CSMD1: variants seen among roughly 807,000 people sequenced by gnomAD.
CSMD1 encodes CUB and Sushi multiple domains 1.
In CSMD1, 213 loss-of-function variants were observed where a neutral mutation model predicts 417.5. That is an observed-to-expected ratio of 0.51 (90% confidence interval 0.46 to 0.57). CSMD1 has a LOEUF of 0.57. Among genes scored for constraint, CSMD1 ranks in the 20% least tolerant of loss-of-function variants. The pLI, the probability that CSMD1 is intolerant of heterozygous loss-of-function variation, is 0.00. For missense variants in CSMD1, 6,923 were observed against 4,529.7 expected, an observed-to-expected ratio of 1.53 and a Z score of -15.17; for synonymous variants, 2,862 against 1,736.8, an observed-to-expected ratio of 1.65 and a Z score of -16.11.
intron 3 of CSMD1, among the ~76,000 whole-genome samples, chr8:4,059,531 T>C (rs143914579): frequency 0.015 from 2,044 of 138,876 alleles, no homozygotes; most frequent in East Asian, 0.031. Context: ...ATCAACAAAA[T>C]TGATAGACTG....
At chr8:3,116,073 G>T (rs575142927) in intron 42 of CSMD1, among the ~76,000 whole-genome samples, 7 of 152,280 alleles carry the variant, frequency 4.6e-5, no homozygotes, top group African/African-American at 1.7e-4. Context: ...CGTTTGAACA[G>T]CCTCCGCATT....
At chr8:4,330,491 G>A (rs1251593417) in intron 3 of CSMD1, among the ~76,000 whole-genome samples, 2 of 151,586 alleles carry the variant, frequency 1.3e-5, no homozygotes, top group Non-Finnish European at 2.9e-5. Flanking sequence ...TTAGGAGGCT[G>A]AGACAGGAGG....
chr8:4,592,516 A>G (rs1239576545), intron 2 of CSMD1, among the ~76,000 whole-genome samples: 1 of 151,914 alleles, frequency 6.6e-6, no homozygotes, highest in Non-Finnish European at 1.5e-5. Flanking sequence ...CTTCCTGAGT[A>G]GCTAGAACTA....
chr8:4,167,414 T>C (rs1430868821), intron 3 of CSMD1, among the ~76,000 whole-genome samples: 3 of 152,148 alleles, frequency 2.0e-5, no homozygotes, highest in East Asian at 1.9e-4. Context: ...AGTGTTCATG[T>C]AAAAGAAATG....
intron 12 of CSMD1, among the ~76,000 whole-genome samples, chr8:3,440,652 A>T (rs1469156260): frequency 2.0e-5 from 3 of 152,122 alleles, no homozygotes; most frequent in African/African-American, 7.2e-5. Context: ...TTATCCTTGC[A>T]ATTTTGAATG....
intron 3 of CSMD1, among the ~76,000 whole-genome samples, chr8:4,389,241 G>A (rs1184133133): frequency 6.6e-6 from 1 of 152,038 alleles, no homozygotes; most frequent in East Asian, 1.9e-4. Context: ...TCTCCTCTTT[G>A]GGTCATATAT....
At chr8:4,478,812 A>G (rs1406270239) in intron 2 of CSMD1, among the ~76,000 whole-genome samples, 1 of 152,234 alleles carries the variant, frequency 6.6e-6, no homozygotes, top group African/African-American at 2.4e-5. Context: ...TCTTTGGAGA[A>G]TAGTTTCAAC....
intron 10 of CSMD1, among the ~76,000 whole-genome samples, chr8:3,557,459 C>A (rs577730069): frequency 5.3e-5 from 8 of 152,316 alleles, no homozygotes; most frequent in African/African-American, 1.4e-4. Context: ...AGGTTTTAGA[C>A]ATAGGCTTCC....
chr8:3,704,479 A>G (rs1801054879), intron 7 of CSMD1, among the ~76,000 whole-genome samples: 1 of 152,182 alleles, frequency 6.6e-6, no homozygotes, highest in Non-Finnish European at 1.5e-5. Context: ...CAACATAAAT[A>G]AGGGGTAGTT....
At chr8:3,049,356 T>C (rs1811663625) in intron 50 of CSMD1, among the ~76,000 whole-genome samples, 1 of 152,106 alleles carries the variant, frequency 6.6e-6, no homozygotes, top group Non-Finnish European at 1.5e-5. Flanking sequence ...CGTAAACGGG[T>C]AAATAAGCCA....
chr8:3,086,477 A>G (rs1426444368), intron 49 of CSMD1, among the ~76,000 whole-genome samples: 1 of 152,194 alleles, frequency 6.6e-6, no homozygotes, highest in Non-Finnish European at 1.5e-5. Context: ...CTCATAAATC[A>G]TAATTAGCTT....
intron 1 of CSMD1, among the ~76,000 whole-genome samples, chr8:4,948,770 C>T (rs1808539272): frequency 6.6e-6 from 1 of 152,134 alleles, no homozygotes; most frequent in Admixed American, 6.5e-5. Context: ...TTCTTTATAA[C>T]CCTGAAAGTC....
chr8:4,030,211 G>A (rs529157192), intron 4 of CSMD1, among the ~76,000 whole-genome samples: 2 of 152,064 alleles, frequency 1.3e-5, no homozygotes, highest in Non-Finnish European at 2.9e-5. Flanking sequence ...CTAGGGCGGT[G>A]CCCCAGTAGG....
chr8:3,277,040 C>T (rs987338548), intron 26 of CSMD1, among the ~76,000 whole-genome samples: 1 of 152,198 alleles, frequency 6.6e-6, no homozygotes, highest in Non-Finnish European at 1.5e-5. Flanking sequence ...GATAGGCACA[C>T]TGGAATTTCT....
chr8:4,323,366 C>G (rs1023212237), intron 3 of CSMD1, among the ~76,000 whole-genome samples: 1 of 152,128 alleles, frequency 6.6e-6, no homozygotes, highest in Non-Finnish European at 1.5e-5. Context: ...AACTTATGTT[C>G]TTTCCTGTAC....
At chr8:3,216,514 G>C (rs1352955331) in intron 29 of CSMD1, among the ~76,000 whole-genome samples, 1 of 152,030 alleles carries the variant, frequency 6.6e-6, no homozygotes, top group Non-Finnish European at 1.5e-5. Context: ...TTTCCTGTTT[G>C]ATTAAATATC....
chr8:4,493,478 T>C (rs1801825079), intron 2 of CSMD1, among the ~76,000 whole-genome samples: 1 of 152,102 alleles, frequency 6.6e-6, no homozygotes, highest in African/African-American at 2.4e-5. Flanking sequence ...AGAGGATTGC[T>C]TGAGTCCAGG....
chr8:4,860,370 C>A (rs146078186), intron 1 of CSMD1, among the ~76,000 whole-genome samples: 1 of 151,406 alleles, frequency 6.6e-6, no homozygotes, highest in East Asian at 2.0e-4. Flanking sequence ...ATGTAACTAA[C>A]CTGCACAATG....
intron 1 of CSMD1, chr8:4,787,709 C>G: frequency 6.3e-7 from 1 of 1,591,068 alleles, no homozygotes; most frequent in Non-Finnish European, 8.6e-7. Context: ...TTCAAGGATG[C>G]TGCCAATAAT....
Sources: allele counts gnomAD v4.1 joint callset (sites outside exome capture counted in the v4.1 genomes callset), GRCh38; gene constraint gnomAD v4.1.1; transcripts MANE v1.5; gene names NCBI Gene and HGNC (gene_info 2026-07-23, HGNC 2026-07-21).